GUCY1A2: variants seen among roughly 807,000 people sequenced by gnomAD.
The protein encoded by GUCY1A2 is guanylate cyclase 1 soluble subunit alpha 2.
GUCY1A2 carries 27 observed loss-of-function variants against 63.5 expected under a neutral mutation model. The ratio of observed to expected loss-of-function variants is 0.43; its 90% CI spans 0.31 to 0.59. The LOEUF (loss-of-function observed/expected upper bound fraction) is 0.59. Among genes scored for constraint, GUCY1A2 ranks in the 20% least tolerant of loss-of-function variants. GUCY1A2 has a pLI of 0.11. For synonymous variants in GUCY1A2, 364 were observed against 343.5 expected (o/e 1.06, Z -0.66); for missense variants, 768 against 913.3 (o/e 0.84, Z 2.05).
At chr11:106,950,307 A>T (rs1021005500) in intron 3 of GUCY1A2, among the ~76,000 whole-genome samples, 2 of 152,216 alleles carry the variant, frequency 1.3e-5, no homozygotes, top group Non-Finnish European at 2.9e-5. Context: ...GCACCCTGGC[A>T]TATTGCCAGA....
intron 1 of GUCY1A2, among the ~76,000 whole-genome samples, chr11:107,008,418 AATGTT>A (rs1297184711): frequency 6.6e-6 from 1 of 152,234 alleles, no homozygotes; most frequent in Admixed American, 6.5e-5. Flanking sequence ...TCTAAAAAAT[AATGTT>A]ATAACTATAT....
Position 106,675,987 on chromosome 11 carries a change from T to G in GUCY1A2, c.*11562A>C, listed in dbSNP as rs1055316381. 4 of 190,214 alleles carry G rather than the reference T, an allele frequency of 2.1e-5. No individual in the cohort carries two copies. Among genetic ancestry groups the G allele is most frequent in the Non-Finnish European group, 3.3e-5 (3 of 90,636 alleles). The allele number at this position is 190,214 out of a possible 1,614,324, so 11.8% of individuals were successfully genotyped here. A position where few individuals can be genotyped will look rare whatever the true frequency, so the allele number is the denominator to read the frequency against. On this transcript the variant is annotated 3_prime_UTR_variant, in exon 8 of 8. Coordinates refer to ENST00000526355, the MANE Select transcript of GUCY1A2 (RefSeq NM_000855.3). ...CCAAATAAGAAATGAGAACCAAAAT[T>G]CAAGGGTATTTAACTCATTGAAGCA...
chr11:106,839,193 T>C (rs1042715293), intron 4 of GUCY1A2, among the ~76,000 whole-genome samples: 5 of 152,054 alleles, frequency 3.3e-5, no homozygotes, highest in African/African-American at 9.7e-5. Context: ...TTTCTACATA[T>C]GGCTAGCCAG....
At chr11:106,740,337 A>T (rs1863672167) in intron 6 of GUCY1A2, among the ~76,000 whole-genome samples, 1 of 151,998 alleles carries the variant, frequency 6.6e-6, no homozygotes, top group African/African-American at 2.4e-5. Context: ...GGGAGTAGGT[A>T]AGGAAGTAGA....
chr11:106,779,350 A>C (rs1289397680), intron 5 of GUCY1A2, among the ~76,000 whole-genome samples: 2 of 152,234 alleles, frequency 1.3e-5, no homozygotes, highest in Admixed American at 1.3e-4. Flanking sequence ...CCCATCAAAG[A>C]ATAAACATCT....
At chr11:106,885,016 C>T (rs1041153233) in intron 4 of GUCY1A2, among the ~76,000 whole-genome samples, 17 of 152,176 alleles carry the variant, frequency 1.1e-4, no homozygotes, top group African/African-American at 3.6e-4. Flanking sequence ...TTACTCCCAA[C>T]GATAAGAGGC....
In GUCY1A2 at chr11:106,986,135, C is replaced by A. The variant is rs762122907; in HGVS notation, c.304-4G>T. The A allele has an allele frequency of 4.4e-6, 6 of 1,376,740 alleles. No homozygotes were observed. The highest frequency in any genetic ancestry group is 1.4e-5 in the African/African-American group (1 of 70,530). The allele number at this position is 1,376,740 out of a possible 1,614,324, so 85.3% of individuals were successfully genotyped here. A position where few individuals can be genotyped will look rare whatever the true frequency, so the allele number is the denominator to read the frequency against. ...GAGTCTGCTGTATCGTCTGAGGCTACAGAATAATAATAATAATAAAAACAT... is the reference window on the plus strand; with the variant it reads ...GAGTCTGCTGTATCGTCTGAGGCTAAAGAATAATAATAATAATAAAAACAT... On this transcript the variant is annotated splice_polypyrimidine_tract_variant and splice_region_variant and intron_variant, in intron 1 of 7. Coordinates refer to ENST00000526355, the MANE Select transcript of GUCY1A2 (RefSeq NM_000855.3).
At chr11:106,718,193 C>T (rs1036717745) in intron 6 of GUCY1A2, among the ~76,000 whole-genome samples, 4 of 152,138 alleles carry the variant, frequency 2.6e-5, no homozygotes, top group East Asian at 1.9e-4. Flanking sequence ...TTTAACTTTA[C>T]AGAAAGTATT....
chr11:106,985,727 C>A (rs1470137910), intron 2 of GUCY1A2, among the ~76,000 whole-genome samples: 1 of 152,154 alleles, frequency 6.6e-6, no homozygotes, highest in Non-Finnish European at 1.5e-5. Flanking sequence ...TCTAAAATCC[C>A]ATTCAAAGCA....
At chr11:106,750,266 C>A (rs1863860513) in intron 6 of GUCY1A2, among the ~76,000 whole-genome samples, 2 of 152,070 alleles carry the variant, frequency 1.3e-5, no homozygotes, top group Non-Finnish European at 2.9e-5. Context: ...GCCAGCTTAT[C>A]CCACCTTCTT....
chr11:106,965,062 A>G (rs1861110251), intron 3 of GUCY1A2, among the ~76,000 whole-genome samples: 1 of 151,960 alleles, frequency 6.6e-6, no homozygotes, highest in Non-Finnish European at 1.5e-5. Flanking sequence ...ATACTAATAC[A>G]TAAACACAGG....
chr11:106,888,645 T>C (rs535865059), intron 4 of GUCY1A2, among the ~76,000 whole-genome samples: 1 of 152,344 alleles, frequency 6.6e-6, no homozygotes, highest in Non-Finnish European at 1.5e-5. Flanking sequence ...CCACAATAAG[T>C]GCAATGATTT....
chr11:106,766,615 A>T (rs909682951), intron 6 of GUCY1A2, among the ~76,000 whole-genome samples: 1 of 152,076 alleles, frequency 6.6e-6, no homozygotes, highest in South Asian at 2.1e-4. Flanking sequence ...TTGAAACGAG[A>T]TATGAGATCT....
Position 106,708,962 on chromosome 11 carries a change from T to C in GUCY1A2, c.1837-296A>G, listed in dbSNP as rs535291741. On this transcript the variant is annotated intron_variant, in intron 6 of 7. Coordinates refer to ENST00000526355, the MANE Select transcript of GUCY1A2 (RefSeq NM_000855.3). ...TACAGGTTAAATCAGATTTCATCTG[T>C]ATGTAATATGGTCTAACTTGAAAAG... Among the ~76,000 whole-genome samples the C allele has an allele frequency of 3.6e-3, 545 of 151,208 alleles. 2 individuals carry two copies. Among genetic ancestry groups the C allele is most frequent in the Non-Finnish European group, 6.0e-3 (408 of 67,760 alleles).
At chr11:106,839,341 T>C (rs1465583554) in intron 4 of GUCY1A2, among the ~76,000 whole-genome samples, 1 of 151,904 alleles carries the variant, frequency 6.6e-6, no homozygotes, top group Non-Finnish European at 1.5e-5. Flanking sequence ...ATGGCGATCA[T>C]TAAAAAGTCA....
At chr11:106,957,387 A>G (rs1185960470) in intron 3 of GUCY1A2, among the ~76,000 whole-genome samples, 1 of 152,112 alleles carries the variant, frequency 6.6e-6, no homozygotes, top group Non-Finnish European at 1.5e-5. Flanking sequence ...GGCTGTAAGA[A>G]TCTGCATGTT....
At chr11:106,773,239 T>C (rs191915300) in intron 6 of GUCY1A2, among the ~76,000 whole-genome samples, 55 of 152,248 alleles carry the variant, frequency 3.6e-4, no homozygotes, top group Admixed American at 3.5e-3. Context: ...AATAGAATTG[T>C]TTCCATTTTT....
At chr11:106,799,900 T>A (rs544277017) in intron 5 of GUCY1A2, among the ~76,000 whole-genome samples, 17 of 152,264 alleles carry the variant, frequency 1.1e-4, no homozygotes, top group African/African-American at 2.9e-4. Context: ...TGGGATCTAA[T>A]TAAACTAAAG....
chr11:106,790,307 C>T (rs140589322), intron 5 of GUCY1A2, among the ~76,000 whole-genome samples: 309 of 152,284 alleles, frequency 2.0e-3, no homozygotes, highest in Admixed American at 3.4e-3. Flanking sequence ...AACAGGCTAC[C>T]GCTGATGTTC....
Sources: allele counts gnomAD v4.1 joint callset (sites outside exome capture counted in the v4.1 genomes callset), GRCh38; gene constraint gnomAD v4.1.1; transcripts MANE v1.5; gene names NCBI Gene and HGNC (gene_info 2026-07-23, HGNC 2026-07-21).